FIP1L1: variants seen among roughly 807,000 people sequenced by gnomAD.
FIP1L1 encodes factor interacting with PAPOLA and CPSF1.
A neutral mutation model predicts 84.6 loss-of-function variants in FIP1L1; 21 were observed. The ratio of observed to expected loss-of-function variants is 0.25; its 90% CI spans 0.18 to 0.36. The LOEUF (loss-of-function observed/expected upper bound fraction) is 0.36. FIP1L1 is among the 10% of genes least tolerant of loss of function. FIP1L1 has a pLI of 1.00. For synonymous variants in FIP1L1, 263 were observed against 242.3 expected (o/e 1.09, Z -0.80); for missense variants, 526 against 751.1 (o/e 0.70, Z 3.50).
chr4:53,401,292 T>A (rs1750135513), intron 10 of FIP1L1, among the ~76,000 whole-genome samples: 1 of 152,218 alleles, frequency 6.6e-6, no homozygotes, highest in Non-Finnish European at 1.5e-5. Context: ...TGGGCCAGAT[T>A]ATGTAAGGGC....
At chr4:53,410,810 T>C (rs1756844819) in intron 10 of FIP1L1, among the ~76,000 whole-genome samples, 1 of 152,222 alleles carries the variant, frequency 6.6e-6, no homozygotes, top group African/African-American at 2.4e-5. Flanking sequence ...TGTTAATTTC[T>C]TACTGTGTTT....
intron 1 of FIP1L1, 103 bp from the exon 2 acceptor site, chr4:53,378,970 A>G (rs1386333582): frequency 8.6e-6 from 10 of 1,157,512 alleles, no homozygotes; most frequent in Non-Finnish European, 1.3e-5. Flanking sequence ...TACCTCTTAA[A>G]TTTAAGCTTA....
intron 1 of FIP1L1, 166 bp from the exon 2 acceptor site, chr4:53,378,904 ACTC>A (rs1208572677): frequency 2.9e-6 from 2 of 685,408 alleles, no homozygotes; most frequent in Admixed American, 3.2e-5. Context: ...ATTAGTTACT[ACTC>A]TTTGAAATGT....
At chr4:53,408,806 A>C (rs1490329832) in intron 10 of FIP1L1, among the ~76,000 whole-genome samples, 1 of 152,130 alleles carries the variant, frequency 6.6e-6, no homozygotes, top group Non-Finnish European at 1.5e-5. Flanking sequence ...AGGCTTCTGC[A>C]TTCTTCACGT....
intron 13 of FIP1L1, among the ~76,000 whole-genome samples, chr4:53,431,253 A>G (rs1766514800): frequency 6.6e-6 from 1 of 152,184 alleles, no homozygotes; most frequent in Admixed American, 6.5e-5. Context: ...TGTGGTTTTC[A>G]GTTACCCTTT....
At chr4:53,454,236 A>G (rs1300064866) in intron 16 of FIP1L1, among the ~76,000 whole-genome samples, 1 of 152,214 alleles carries the variant, frequency 6.6e-6, no homozygotes, top group Admixed American at 6.5e-5. Context: ...CATTGTGTTA[A>G]AATTTTCTAC....
chr4:53,378,883 C>A, intron 1 of FIP1L1, 190 bp from the exon 2 acceptor site: 1 of 605,754 alleles, frequency 1.7e-6, no homozygotes, highest in Non-Finnish European at 2.8e-6. Context: ...CGTTTGGTGG[C>A]AAGATTTAGC....
chr4:53,409,847 C>T (rs551376109), intron 10 of FIP1L1, among the ~76,000 whole-genome samples: 120 of 152,310 alleles, frequency 7.9e-4, no homozygotes, highest in African/African-American at 2.7e-3. Context: ...ATTGGAAAAG[C>T]GCAGTATTAG....
At chr4:53,438,202 A>G (rs1441442099) in intron 13 of FIP1L1, among the ~76,000 whole-genome samples, 1 of 152,164 alleles carries the variant, frequency 6.6e-6, no homozygotes, top group East Asian at 1.9e-4. Flanking sequence ...AAAAGAAACA[A>G]AATACTTTCC....
intron 9 of FIP1L1, among the ~76,000 whole-genome samples, chr4:53,397,631 A>G (rs73156015): frequency 3.9e-5 from 6 of 152,302 alleles, no homozygotes; most frequent in African/African-American, 1.4e-4. Flanking sequence ...TGTAAACCAA[A>G]CAATCTGTAA....
chr4:53,448,503 T>TA (rs1775118523), intron 15 of FIP1L1, among the ~76,000 whole-genome samples: 1 of 152,152 alleles, frequency 6.6e-6, no homozygotes, highest in Non-Finnish European at 1.5e-5. Context: ...GTATAGTACT[T>TA]ACTACATAAT....
At chr4:53,444,144 A>C in intron 15 of FIP1L1, 41 bp downstream of exon 15, 2 of 1,254,734 alleles carry the variant, frequency 1.6e-6, no homozygotes, top group Non-Finnish European at 2.3e-6. Context: ...AGTTTGAATC[A>C]GTAAAGTACT....
chr4:53,382,370 A>G (rs376628954), intron 4 of FIP1L1, 35 bp downstream of exon 4: 15 of 1,544,428 alleles, frequency 9.7e-6, no homozygotes, highest in Non-Finnish European at 1.3e-5. Context: ...TTACTGATAC[A>G]AATCTTTATC....
chr4:53,384,445 G>C (rs1001422126), intron 5 of FIP1L1, among the ~76,000 whole-genome samples: 17 of 151,708 alleles, frequency 1.1e-4, no homozygotes, highest in African/African-American at 3.6e-4. Flanking sequence ...TAAATTCTTT[G>C]ATTAGAATTA....
At chr4:53,446,588 T>G (rs1774285449) in intron 15 of FIP1L1, among the ~76,000 whole-genome samples, 1 of 152,118 alleles carries the variant, frequency 6.6e-6, no homozygotes, top group Non-Finnish European at 1.5e-5. Flanking sequence ...GTAAAATAAA[T>G]TTTGACTATT....
chr4:53,442,702 A>G lies in FIP1L1; in HGVS notation c.1224A>G (p.Ile408Met). Residue 408 changes from isoleucine to methionine, a missense_variant, in exon 14 of 18, where the codon ATA becomes ATG. Coordinates refer to ENST00000337488, the MANE Select transcript of FIP1L1 (RefSeq NM_030917.4). The stretch of plus-strand genomic sequence containing the variant: ...CACCTCCATCTCTTATACCAACAAT[A>G]GAAAGGTAAATCAGTATGGATACTG... ...GAPPPSLIPT[I>M]ESGHSSGYDS... 1.3e-6 allele frequency: 2 copies of G among 1,592,004 alleles called. No homozygotes were observed. Among genetic ancestry groups the G allele is most frequent in the Non-Finnish European group, 1.7e-6 (2 of 1,160,372 alleles).
At position 53,427,971 on chromosome 4, in the gene FIP1L1, G is replaced by C. The variant is rs1456886803; in HGVS notation, c.1018-56G>C. ...AGATTAAATGAAATTAATTTACTAA[G>C]ATTAATCTTACATAATATTTATGCA... On this transcript the variant is annotated intron_variant, in intron 12 of 17. Transcript: ENST00000337488. The C allele has an allele frequency of 8.2e-6, 11 of 1,338,214 alleles. No individual in the cohort carries two copies. The Admixed American group carries it at 1.0e-4, about 13-fold the overall frequency. 82.9% of individuals were successfully genotyped at this position (1,338,214 alleles called of 1,614,324 possible). A position where few individuals can be genotyped will look rare whatever the true frequency, so the allele number is the denominator to read the frequency against.
intron 10 of FIP1L1, 120 bp from the exon 11 acceptor site, chr4:53,414,495 T>C (rs1420227708): frequency 1.7e-6 from 1 of 589,172 alleles, no homozygotes; most frequent in East Asian, 2.9e-5. Context: ...TTGAGAATGA[T>C]ACTGTAGGAA....
intron 12 of FIP1L1, among the ~76,000 whole-genome samples, chr4:53,426,780 A>G (rs1764530388): frequency 6.6e-6 from 1 of 152,192 alleles, no homozygotes; most frequent in Admixed American, 6.5e-5. Context: ...TAAATATACC[A>G]TGATTTATTT....
Sources: gnomAD v4.1 joint callset for allele counts (sites outside exome capture counted in the v4.1 genomes callset) on GRCh38, gnomAD v4.1.1 for gene constraint, MANE v1.5 for transcripts, NCBI Gene and HGNC (gene_info 2026-07-23, HGNC 2026-07-21) for gene names.